The following PRKCQ variants were observed in gnomAD, a reference collection of about 807,000 sequenced individuals.
The protein encoded by PRKCQ is protein kinase C theta type.
A neutral mutation model predicts 91.2 loss-of-function variants in PRKCQ; 41 were observed. The ratio of observed to expected loss-of-function variants is 0.45; its 90% CI spans 0.35 to 0.58. The LOEUF (loss-of-function observed/expected upper bound fraction) is 0.58. Among genes scored for constraint, PRKCQ ranks in the 20% least tolerant of loss-of-function variants. The pLI is 0.00. For missense variants in PRKCQ, 673 were observed against 896.5 expected (o/e 0.75, Z 3.18); for synonymous variants, 307 against 316.9 (o/e 0.97, Z 0.33).
At chr10:6,443,135 C>T (rs1564298670) in intron 15 of PRKCQ, among the ~76,000 whole-genome samples, 1 of 151,938 alleles carries the variant, frequency 6.6e-6, no homozygotes, top group African/African-American at 2.4e-5. Context: ...ACTCTTCTGG[C>T]AAAAAAGGCT....
At position 6,522,017 on chromosome 10, in the gene PRKCQ, A is replaced by G. The variant is rs576475011; in HGVS notation, c.-9-6873T>C. ...GAGTGCAATGGCACGATCTTGGCTC[A>G]CTGCAACCTTTGCCTCCTGGGTTCA... On this transcript the variant is annotated intron_variant, in intron 1 of 17. Transcript: ENST00000263125. Among the ~76,000 whole-genome samples, 4 of 152,154 alleles carry G rather than the reference A, an allele frequency of 2.6e-5. No homozygotes were observed. The South Asian group carries it at 8.3e-4, about 32-fold the overall frequency.
At position 6,497,029 on chromosome 10, in the gene PRKCQ, A is replaced by T. The variant is rs769109951; in HGVS notation, c.660+6T>A. On this transcript the variant is annotated splice_donor_region_variant and intron_variant, in intron 7 of 17. Coordinates refer to ENST00000263125, the MANE Select transcript of PRKCQ (RefSeq NM_006257.5). This position sits in a 1 kb window ranked among gnomAD's most constrained non-coding sequence, Gnocchi z 4.5. ...CTGCACGTCAAAGAGGAGTGTAAAT[A>T]CTCACCATGGTTTCTCGGCTATTGA... The T allele has an allele frequency of 2.5e-6, 4 of 1,609,886 alleles. No homozygotes were observed. The East Asian group carries it at 6.7e-5, about 27-fold the overall frequency.
intron 1 of PRKCQ, among the ~76,000 whole-genome samples, chr10:6,535,252 C>A (rs533755227): frequency 6.6e-6 from 1 of 152,120 alleles, no homozygotes; most frequent in Non-Finnish European, 1.5e-5. Context: ...CACCTAATAC[C>A]AACTTATCAG....
At chr10:6,450,605 C>T (rs1401935479) in intron 15 of PRKCQ, among the ~76,000 whole-genome samples, 2 of 152,094 alleles carry the variant, frequency 1.3e-5, no homozygotes, top group South Asian at 2.1e-4. Flanking sequence ...CAGAATTCTC[C>T]ACCCCAAAGC....
chr10:6,468,108 T>A (rs1439853188), intron 12 of PRKCQ, among the ~76,000 whole-genome samples: 1 of 152,220 alleles, frequency 6.6e-6, no homozygotes, highest in Admixed American at 6.5e-5. Flanking sequence ...ATAATTCTCA[T>A]AGGACTGCGT....
At chr10:6,539,893 C>A (rs756516370) in intron 1 of PRKCQ, among the ~76,000 whole-genome samples, 3 of 152,186 alleles carry the variant, frequency 2.0e-5, no homozygotes, top group Non-Finnish European at 4.4e-5. Context: ...GCTGAAAGTT[C>A]TTTCCTGCAC....
At chr10:6,479,759 G>A (rs5015567) in intron 11 of PRKCQ, among the ~76,000 whole-genome samples, 31,374 of 115,780 alleles carry the variant, frequency 0.27, 4,879 homozygotes, top group South Asian at 0.49. Context: ...GTGAAACCCC[G>A]TCTCGACTAA....
At chr10:6,446,849 C>T (rs550760397) in intron 15 of PRKCQ, among the ~76,000 whole-genome samples, 9 of 152,294 alleles carry the variant, frequency 5.9e-5, no homozygotes, top group East Asian at 5.8e-4. Context: ...GGGAAAGCAG[C>T]GAGAGAGGAA....
At chr10:6,531,693 C>T (rs776911536) in intron 1 of PRKCQ, among the ~76,000 whole-genome samples, 39 of 151,984 alleles carry the variant, frequency 2.6e-4, no homozygotes, top group South Asian at 6.2e-4. Flanking sequence ...AGGGACCACA[C>T]GTGGCACAGG....
intron 7 of PRKCQ, among the ~76,000 whole-genome samples, chr10:6,492,238 T>TAA (rs5782902): frequency 1.0e-4 from 15 of 147,398 alleles, no homozygotes; most frequent in African/African-American, 2.7e-4. Context: ...TTGGAAGATG[T>TAA]AAAAAAAAAA....
chr10:6,569,308 C>T (rs1840947496), intron 1 of PRKCQ, among the ~76,000 whole-genome samples: 2 of 151,910 alleles, frequency 1.3e-5, no homozygotes, highest in African/African-American at 4.8e-5. Flanking sequence ...GGACAAGAGA[C>T]ATCTTGGGAG....
At chr10:6,520,181 C>A (rs1239825748) in intron 1 of PRKCQ, among the ~76,000 whole-genome samples, 1 of 152,208 alleles carries the variant, frequency 6.6e-6, no homozygotes, top group Non-Finnish European at 1.5e-5. Flanking sequence ...CCAAGGGGAC[C>A]CCAAACTCAC....
intron 15 of PRKCQ, among the ~76,000 whole-genome samples, chr10:6,455,670 T>C (rs1834964255): frequency 6.6e-6 from 1 of 152,200 alleles, no homozygotes; most frequent in South Asian, 2.1e-4. Flanking sequence ...GATGTAAAAG[T>C]GAACAAGATC....
chr10:6,567,598 G>A (rs1249527319), intron 1 of PRKCQ, among the ~76,000 whole-genome samples: 4 of 152,208 alleles, frequency 2.6e-5, no homozygotes, highest in Non-Finnish European at 5.9e-5. Flanking sequence ...AAGGCCTTCT[G>A]GGGTACAAGC....
chr10:6,456,391 G>A (rs907462763), intron 15 of PRKCQ, among the ~76,000 whole-genome samples: 1 of 152,162 alleles, frequency 6.6e-6, no homozygotes, highest in African/African-American at 2.4e-5. Flanking sequence ...TTCACTAGCT[G>A]TTCCTTCTGG....
intron 15 of PRKCQ, among the ~76,000 whole-genome samples, chr10:6,448,896 C>T (rs886989227): frequency 6.6e-6 from 1 of 151,896 alleles, no homozygotes; most frequent in African/African-American, 2.4e-5. Flanking sequence ...GGAAAACTAA[C>T]AAACAGAAAG....
In PRKCQ at chr10:6,452,079, C is replaced by T. The variant is rs568755061; in HGVS notation, c.1647+4595G>A. Among the ~76,000 whole-genome samples the T allele has an allele frequency of 7.2e-5, 11 of 152,040 alleles. No individual in the cohort carries two copies. The East Asian group carries it at 7.7e-4, about 11-fold the overall frequency. ...ATAGTGTTGGAAGTTCTGGCCAGGG[C>T]AATTAGGCAGGAGAAGGAAATAAAG... On this transcript the variant is annotated intron_variant, in intron 15 of 17. Transcript: ENST00000263125.
chr10:6,447,865 C>T (rs34236570), intron 15 of PRKCQ, among the ~76,000 whole-genome samples: 107 of 152,294 alleles, frequency 7.0e-4, no homozygotes, highest in Non-Finnish European at 1.0e-3. Context: ...AGGGCAGCAT[C>T]GACTTAGAAT....
intron 15 of PRKCQ, among the ~76,000 whole-genome samples, chr10:6,450,074 C>A (rs1564306558): frequency 6.7e-6 from 1 of 148,702 alleles, no homozygotes; most frequent in Non-Finnish European, 1.5e-5. Flanking sequence ...ATCAAATTCA[C>A]ACATAACAAT....
Sources: gnomAD v4.1 joint callset for allele counts (sites outside exome capture counted in the v4.1 genomes callset) on GRCh38, gnomAD v4.1.1 for gene constraint, Gnocchi (gnomAD v3.1) non-coding constraint, MANE v1.5 for transcripts, NCBI Gene and HGNC (gene_info 2026-07-23, HGNC 2026-07-21) for gene names.